Variants in SNX29 observed in about 807,000 individuals in gnomAD.
The protein encoded by SNX29 is sorting nexin 29, also known as sorting nexin-29.
In SNX29, 78 loss-of-function variants were observed where a neutral mutation model predicts 102.1. The ratio of observed to expected loss-of-function variants is 0.76; its 90% CI spans 0.64 to 0.92. SNX29 has a LOEUF of 0.92. Among genes scored for constraint, SNX29 ranks in the 40% least tolerant of loss-of-function variants. The pLI, the probability that SNX29 is intolerant of heterozygous loss-of-function variation, is 0.00. For synonymous variants in SNX29, 580 were observed against 414.5 expected (o/e 1.40, Z -4.85); for missense variants, 1,280 against 1,061.7 (o/e 1.21, Z -2.86).
chr16:12,122,096 G>A (rs1056210073), intron 11 of SNX29, among the ~76,000 whole-genome samples: 12 of 152,188 alleles, frequency 7.9e-5, no homozygotes, highest in African/African-American at 2.2e-4. Flanking sequence ...CATCACAGGC[G>A]TGAGCCACTG....
intron 19 of SNX29, among the ~76,000 whole-genome samples, chr16:12,485,824 G>T (rs2088201411): frequency 6.6e-6 from 1 of 152,230 alleles, no homozygotes; most frequent in African/African-American, 2.4e-5. Flanking sequence ...TCTGCAGATA[G>T]AGGAGAGAGA....
At chr16:12,152,575 C>T (rs932175814) in intron 13 of SNX29, among the ~76,000 whole-genome samples, 2 of 152,182 alleles carry the variant, frequency 1.3e-5, no homozygotes, top group South Asian at 2.1e-4. Context: ...TGGGGCAAAC[C>T]ACCATCTTCA....
intron 18 of SNX29, among the ~76,000 whole-genome samples, chr16:12,404,182 G>A (rs1175381881): frequency 6.6e-6 from 1 of 152,194 alleles, no homozygotes; most frequent in Admixed American, 6.5e-5. Flanking sequence ...TCCAAAAGAA[G>A]GGGCAATGGA....
chr16:12,329,268 C>A (rs2081221499), intron 15 of SNX29, among the ~76,000 whole-genome samples: 1 of 83,000 alleles, frequency 1.2e-5, no homozygotes, highest in Non-Finnish European at 2.2e-5. Flanking sequence ...CATGGTGAGA[C>A]CTTGTCTCAA....
intron 20 of SNX29, among the ~76,000 whole-genome samples, chr16:12,552,799 G>A (rs146231198): frequency 1.4e-4 from 22 of 152,266 alleles, no homozygotes; most frequent in East Asian, 5.8e-4. Flanking sequence ...CAGTCATCCT[G>A]GAGGAGAGAA....
chr16:12,379,383 A>T (rs2082995706), intron 16 of SNX29, among the ~76,000 whole-genome samples: 1 of 152,166 alleles, frequency 6.6e-6, no homozygotes, highest in African/African-American at 2.4e-5. Flanking sequence ...TGGCCTCCTA[A>T]AAGTATTGGG....
intron 13 of SNX29, chr16:12,135,522 G>A: frequency 7.6e-7 from 1 of 1,319,278 alleles, no homozygotes. Flanking sequence ...GATGGTGCCA[G>A]CCAGTTCTCT....
At position 12,568,798 on chromosome 16, in the gene SNX29, G is replaced by A. The variant is rs867751290; in HGVS notation, c.*169G>A. ...ACCCCGATTAAACTAATCAGTCTTCGAGCCGCATGATACCGTGACCCGAGA... is the reference window on the plus strand; with the variant it reads ...ACCCCGATTAAACTAATCAGTCTTCAAGCCGCATGATACCGTGACCCGAGA... On this transcript the variant is annotated 3_prime_UTR_variant, in exon 21 of 21. Coordinates refer to ENST00000566228, the MANE Select transcript of SNX29 (RefSeq NM_032167.5). 2.6e-5 allele frequency: 28 copies of A among 1,076,804 alleles called. No homozygotes were observed. Among genetic ancestry groups the A allele is most frequent in the African/African-American group, 2.4e-4 (15 of 62,754 alleles). The allele number at this position is 1,076,804 out of a possible 1,614,324, so 66.7% of individuals were successfully genotyped here.
At chr16:12,192,228 G>A (rs1007629125) in intron 13 of SNX29, among the ~76,000 whole-genome samples, 16 of 152,150 alleles carry the variant, frequency 1.1e-4, no homozygotes, top group South Asian at 2.1e-4. Context: ...ATTTGCTTTC[G>A]TTCCCATGCT....
intron 20 of SNX29, among the ~76,000 whole-genome samples, chr16:12,559,059 TAGAG>T (rs1236246154): frequency 9.2e-5 from 14 of 152,278 alleles, no homozygotes; most frequent in African/African-American, 3.1e-4. Context: ...AACTGCAATG[TAGAG>T]GTCTACCGCT....
chr16:12,368,049 G>T (rs1296079404), intron 16 of SNX29, among the ~76,000 whole-genome samples: 2 of 152,246 alleles, frequency 1.3e-5, no homozygotes, highest in Non-Finnish European at 2.9e-5. Context: ...TGCTGTTCAT[G>T]CAGGTGCTTC....
intron 14 of SNX29, among the ~76,000 whole-genome samples, chr16:12,264,595 A>C (rs1387688804): frequency 6.6e-6 from 1 of 152,170 alleles, no homozygotes; most frequent in Non-Finnish European, 1.5e-5. Context: ...GAGCCTGGCT[A>C]ACAAGGTGAA....
chr16:12,037,881 G>A (rs1038463529), intron 4 of SNX29, among the ~76,000 whole-genome samples: 3 of 152,050 alleles, frequency 2.0e-5, no homozygotes, highest in Non-Finnish European at 4.4e-5. Flanking sequence ...CTTGAGCCCA[G>A]GAGTTCAAGA....
At chr16:12,423,925 C>CT (rs2084960622) in intron 18 of SNX29, among the ~76,000 whole-genome samples, 3 of 152,148 alleles carry the variant, frequency 2.0e-5, no homozygotes, top group African/African-American at 7.2e-5. Context: ...AAAGGTGATA[C>CT]TGTTGAGGTG....
intron 10 of SNX29, among the ~76,000 whole-genome samples, chr16:12,073,874 T>C (rs938904919): frequency 6.6e-6 from 1 of 151,934 alleles, no homozygotes; most frequent in Non-Finnish European, 1.5e-5. Flanking sequence ...CATATATATT[T>C]AGGATAGTTA....
chr16:12,390,415 C>A (rs1056292407), intron 16 of SNX29, among the ~76,000 whole-genome samples: 1 of 152,132 alleles, frequency 6.6e-6, no homozygotes, highest in African/African-American at 2.4e-5. Flanking sequence ...TTTTCACAGC[C>A]TTAACTGTCT....
chr16:12,246,378 C>T (rs965537377), intron 14 of SNX29, among the ~76,000 whole-genome samples: 3 of 152,030 alleles, frequency 2.0e-5, no homozygotes, highest in Non-Finnish European at 4.4e-5. Flanking sequence ...TGGTGGCTCA[C>T]GCTTGTAATC....
chr16:12,277,797 AGTGT>A, intron 14 of SNX29, 132 bp from the exon 15 acceptor site: 2 of 651,752 alleles, frequency 3.1e-6, no homozygotes, highest in Non-Finnish European at 5.4e-6. Flanking sequence ...GTAGTTAGTA[AGTGT>A]GTGTGTGTGT....
chr16:12,547,934 T>C (rs916096), intron 20 of SNX29, among the ~76,000 whole-genome samples: 40,633 of 151,864 alleles, frequency 0.27, 6,366 homozygotes, highest in East Asian at 0.53. Flanking sequence ...ATACCTCAAT[T>C]CCCAGTCTGC....
Sources: allele counts gnomAD v4.1 joint callset (sites outside exome capture counted in the v4.1 genomes callset), GRCh38; gene constraint gnomAD v4.1.1; transcripts MANE v1.5; gene names NCBI Gene and HGNC (gene_info 2026-07-23, HGNC 2026-07-21).